KCNMA1: variants seen among roughly 807,000 people sequenced by gnomAD.
The protein encoded by KCNMA1 is potassium calcium-activated channel subfamily M alpha 1, also known as Calcium-activated potassium channel subunit alpha-1.
A neutral mutation model predicts 140.0 loss-of-function variants in KCNMA1; 29 were observed. The ratio of observed to expected loss-of-function variants is 0.21; its 90% CI spans 0.15 to 0.28. The LOEUF is 0.28. Ranked by LOEUF, KCNMA1 falls within the 10% of genes least tolerant of loss-of-function variation. KCNMA1 has a pLI of 1.00. For synonymous variants in KCNMA1, 612 were observed against 611.9 expected (o/e 1.00, Z 0.00); for missense variants, 880 against 1,602.2 (o/e 0.55, Z 7.70).
intron 15 of KCNMA1, among the ~76,000 whole-genome samples, chr10:77,031,951 G>C (rs2093967060): frequency 6.6e-6 from 1 of 152,214 alleles, no homozygotes; most frequent in African/African-American, 2.4e-5. Flanking sequence ...AACTAGGAAA[G>C]TCTATGCAGA....
chr10:76,969,902 G>A, intron 20 of KCNMA1, 72 bp downstream of exon 20: 2 of 1,213,716 alleles, frequency 1.6e-6, no homozygotes, highest in Non-Finnish European at 2.4e-6. Context: ...GGCCTGGCAG[G>A]GTGAGGAGAG....
Position 76,891,509 on chromosome 10 carries a change from G to T in KCNMA1, c.3342+16C>A. ...CCAAACAGCAAGCTCAGGTGACCTC[G>T]GTGCTGTGGACTCACCCCTAAGTCC... On this transcript the variant is annotated intron_variant, in intron 26 of 27. Transcript: ENST00000286628. The T allele has an allele frequency of 6.2e-7, 1 of 1,605,592 alleles. No homozygotes were observed.
In KCNMA1 at chr10:77,295,746, A is replaced by T. The variant is rs542446756; in HGVS notation, c.541-44490T>A. Reference sequence around the variant, plus strand: ...CAGTGAGCCGAGATTGCGCCACTGCAGTCCACAGTCCGGCCTGGGCGACAG... The same window carrying T: ...CAGTGAGCCGAGATTGCGCCACTGCTGTCCACAGTCCGGCCTGGGCGACAG... On this transcript the variant is annotated intron_variant, in intron 2 of 27. Transcript: ENST00000286628. 7.0e-5 allele frequency among the ~76,000 whole-genome samples: 9 copies of T among 129,264 alleles called. No individual in the cohort carries two copies. The East Asian group carries it at 1.9e-3, about 28-fold the overall frequency. 84.8% of individuals were successfully genotyped at this position (129,264 alleles called of 152,430 possible).
At chr10:77,121,992 T>G (rs2097611191) in intron 5 of KCNMA1, among the ~76,000 whole-genome samples, 1 of 152,340 alleles carries the variant, frequency 6.6e-6, no homozygotes, top group Non-Finnish European at 1.5e-5. Flanking sequence ...AGAAGCATTT[T>G]ATTAAGCACC....
At chr10:77,263,728 C>T (rs888595466) in intron 2 of KCNMA1, among the ~76,000 whole-genome samples, 6 of 152,118 alleles carry the variant, frequency 3.9e-5, no homozygotes, top group African/African-American at 7.2e-5. Context: ...ATTCAGCTGA[C>T]GATATGACAC....
chr10:77,082,002 C>CTTTCTTTT (rs2096583049), intron 12 of KCNMA1, among the ~76,000 whole-genome samples: 1 of 51,650 alleles, frequency 1.9e-5, no homozygotes, highest in African/African-American at 5.5e-5. Context: ...TTCTTTTTTT[C>CTTTCTTTT]TTTTCTTTTT....
intron 2 of KCNMA1, among the ~76,000 whole-genome samples, chr10:77,345,888 C>G (rs970629170): frequency 6.6e-6 from 1 of 152,142 alleles, no homozygotes; most frequent in Non-Finnish European, 1.5e-5. Context: ...CATTCTCCTA[C>G]CTACCTTGGC....
chr10:77,097,666 C>G (rs1276552336), intron 9 of KCNMA1, among the ~76,000 whole-genome samples: 1 of 152,082 alleles, frequency 6.6e-6, no homozygotes, highest in Non-Finnish European at 1.5e-5. Flanking sequence ...GTCCCACAAC[C>G]CCAAACCCTG....
intron 2 of KCNMA1, among the ~76,000 whole-genome samples, chr10:77,374,178 G>A (rs1000852757): frequency 3.9e-5 from 6 of 152,150 alleles, no homozygotes; most frequent in Non-Finnish European, 7.4e-5. Flanking sequence ...AAGCCTGGGC[G>A]CTCTGACTAC....
At chr10:77,322,321 GT>G (rs1358251808) in intron 2 of KCNMA1, among the ~76,000 whole-genome samples, 2 of 152,210 alleles carry the variant, frequency 1.3e-5, no homozygotes, top group African/African-American at 4.8e-5. Context: ...TCATAGTGAT[GT>G]TAAGAGACTT....
chr10:76,905,831 G>T (rs191477830), intron 25 of KCNMA1, among the ~76,000 whole-genome samples: 1 of 152,166 alleles, frequency 6.6e-6, no homozygotes, highest in Non-Finnish European at 1.5e-5. Flanking sequence ...TGAAGGCAAG[G>T]TCTTCATCCT....
chr10:76,935,623 A>G (rs1314660342), intron 23 of KCNMA1, among the ~76,000 whole-genome samples: 1 of 152,194 alleles, frequency 6.6e-6, no homozygotes, highest in Non-Finnish European at 1.5e-5. Flanking sequence ...CTGAAAAAAA[A>G]ATTACATTTT....
At chr10:76,984,218 G>A (rs2080492622) in intron 19 of KCNMA1, among the ~76,000 whole-genome samples, 2 of 149,648 alleles carry the variant, frequency 1.3e-5, no homozygotes, top group Non-Finnish European at 3.0e-5. Context: ...TTTTTGAGAC[G>A]GAGTCTCGCT....
rs185024328 is a variant in KCNMA1 at position 77,525,710 on chromosome 10, T to C, written c.378+111555A>G. 9.1e-4 allele frequency among the ~76,000 whole-genome samples: 138 copies of C among 152,358 alleles called. 1 individual carries two copies. The highest frequency in any genetic ancestry group is 4.2e-3 in the Admixed American group (64 of 15,308). The stretch of plus-strand genomic sequence containing the variant: ...TTCCCTTCCAAGTTCTAGCATTCTG[T>C]GATGCCATGTGCACCCCAGTTAAGT... On this transcript the variant is annotated intron_variant, in intron 1 of 27. Coordinates refer to ENST00000286628, the MANE Select transcript of KCNMA1 (RefSeq NM_001161352.2).
chr10:77,478,109 T>C (rs2098314666), intron 1 of KCNMA1, among the ~76,000 whole-genome samples: 1 of 152,222 alleles, frequency 6.6e-6, no homozygotes, highest in African/African-American at 2.4e-5. Context: ...TCTGAGTTTA[T>C]TATGAGCTTT....
intron 1 of KCNMA1, among the ~76,000 whole-genome samples, chr10:77,507,068 G>C (rs1164920730): frequency 2.6e-5 from 4 of 152,164 alleles, no homozygotes; most frequent in African/African-American, 9.7e-5. Context: ...CTAAGAATGA[G>C]AGCAGTGCTC....
intron 16 of KCNMA1, among the ~76,000 whole-genome samples, chr10:77,026,077 A>G (rs1301634290): frequency 6.6e-6 from 1 of 151,738 alleles, no homozygotes; most frequent in Non-Finnish European, 1.5e-5. Flanking sequence ...TTGTGACTCA[A>G]TTGAAGGGCC....
At chr10:77,248,879 A>T (rs1425930806) in intron 3 of KCNMA1, among the ~76,000 whole-genome samples, 1 of 152,174 alleles carries the variant, frequency 6.6e-6, no homozygotes, top group Non-Finnish European at 1.5e-5. Flanking sequence ...TTTCCCAAGG[A>T]AGATGGAAAA....
At chr10:77,595,346 C>CAAAAAAAAAAAAAAAAAAAAAAAAAAAA (rs138290466) in intron 1 of KCNMA1, among the ~76,000 whole-genome samples, 1 of 58,214 alleles carries the variant, frequency 1.7e-5, no homozygotes, top group African/African-American at 6.9e-5. Flanking sequence ...GACTCTGTCT[C>CAAAAAAAAAAAAAAAAAAAAAAAAAAAA]AAAAAAAAAA....
Sources: gnomAD v4.1 joint callset for allele counts (sites outside exome capture counted in the v4.1 genomes callset) on GRCh38, gnomAD v4.1.1 for gene constraint, MANE v1.5 for transcripts, NCBI Gene and HGNC (gene_info 2026-07-23, HGNC 2026-07-21) for gene names.